ANTXR1: variants seen among roughly 807,000 people sequenced by gnomAD.
ANTXR1 encodes the protein ANTXR cell adhesion molecule 1, also known as anthrax toxin receptor 1.
ANTXR1 carries 19 observed loss-of-function variants against 78.1 expected under a neutral mutation model. The ratio of observed to expected loss-of-function variants is 0.24; its 90% CI spans 0.17 to 0.36. ANTXR1 has a LOEUF of 0.36. Among genes scored for constraint, ANTXR1 ranks in the 10% least tolerant of loss-of-function variants. The pLI, the probability that ANTXR1 is intolerant of heterozygous loss-of-function variation, is 1.00. For missense variants in ANTXR1, 518 were observed against 718.6 expected (o/e 0.72, Z 3.19); for synonymous variants, 273 against 260.5 (o/e 1.05, Z -0.46).
At chr2:69,115,453 T>A (rs1672111663) in intron 10 of ANTXR1, among the ~76,000 whole-genome samples, 1 of 152,220 alleles carries the variant, frequency 6.6e-6, no homozygotes, top group Non-Finnish European at 1.5e-5. Context: ...AAGCATTAAA[T>A]GATATCTTCT....
intron 10 of ANTXR1, among the ~76,000 whole-genome samples, chr2:69,104,601 C>T (rs994696303): frequency 6.6e-6 from 1 of 152,098 alleles, no homozygotes; most frequent in Non-Finnish European, 1.5e-5. Context: ...TTCTCTTTAA[C>T]CAAAATCCCA....
intron 8 of ANTXR1, among the ~76,000 whole-genome samples, chr2:69,089,488 C>T (rs560487382): frequency 4.6e-5 from 7 of 152,306 alleles, no homozygotes; most frequent in African/African-American, 1.7e-4. Flanking sequence ...GGAACTAAGT[C>T]CACTCTAGCA....
intron 13 of ANTXR1, among the ~76,000 whole-genome samples, chr2:69,157,165 A>G (rs1394731216): frequency 1.3e-5 from 2 of 152,082 alleles, no homozygotes; most frequent in Non-Finnish European, 2.9e-5. Context: ...AGCAGTAGGC[A>G]CTGTCGACCT....
At chr2:69,096,864 A>T (rs561454357) in intron 9 of ANTXR1, among the ~76,000 whole-genome samples, 1 of 152,076 alleles carries the variant, frequency 6.6e-6, no homozygotes, top group South Asian at 2.1e-4. Flanking sequence ...ACCACTCTCC[A>T]TTGTCACCCC....
chr2:69,075,554 C>A (rs752008823), intron 6 of ANTXR1, 36 bp from the exon 7 acceptor site: 2 of 1,606,430 alleles, frequency 1.2e-6, no homozygotes, highest in African/African-American at 2.7e-5. Flanking sequence ...TTTGTCACTG[C>A]TTCTCTTTCT....
chr2:69,047,862 C>T (rs1669818354), intron 3 of ANTXR1, among the ~76,000 whole-genome samples: 1 of 152,056 alleles, frequency 6.6e-6, no homozygotes, highest in Admixed American at 6.6e-5. Context: ...GGTAACCTGC[C>T]GAGGTCAGAT....
intron 5 of ANTXR1, 133 bp downstream of exon 5, chr2:69,071,920 C>T (rs1670579654): frequency 1.2e-6 from 1 of 855,782 alleles, no homozygotes; most frequent in South Asian, 1.6e-5. Flanking sequence ...ACACACATTT[C>T]ATCACAAACA....
chr2:69,196,611 G>C (rs911367808), intron 17 of ANTXR1, among the ~76,000 whole-genome samples: 33 of 152,178 alleles, frequency 2.2e-4, no homozygotes, highest in Non-Finnish European at 4.7e-4. Flanking sequence ...TGCCTTGCTT[G>C]CATGGTGGTG....
At chr2:69,071,613 T>C (rs547632014) in intron 4 of ANTXR1, 141 bp from the exon 5 acceptor site, 9 of 816,516 alleles carry the variant, frequency 1.1e-5, no homozygotes, top group Non-Finnish European at 1.9e-5. Flanking sequence ...CCACTGATAA[T>C]TGAGCAAAGC....
At position 69,172,148 on chromosome 2, in the gene ANTXR1, C is replaced by G. The variant is rs532078110; in HGVS notation, c.1089+1859C>G. On this transcript the variant is annotated intron_variant, in intron 14 of 17. Coordinates refer to ENST00000303714, the MANE Select transcript of ANTXR1 (RefSeq NM_032208.3). Reference sequence around the variant, plus strand: ...CATTCCCTTCCTGGAGTCTAGATCCCCTCCCCTCCATTTCCCTTTGAAACC... The same window carrying G: ...CATTCCCTTCCTGGAGTCTAGATCCGCTCCCCTCCATTTCCCTTTGAAACC... 2.0e-5 allele frequency among the ~76,000 whole-genome samples: 3 copies of G among 152,256 alleles called. No individual in the cohort carries two copies. In the South Asian group the frequency reaches 6.2e-4, roughly 32 times the overall value.
At chr2:69,237,911 A>T (rs1182735090) in intron 17 of ANTXR1, among the ~76,000 whole-genome samples, 1 of 152,214 alleles carries the variant, frequency 6.6e-6, no homozygotes, top group Admixed American at 6.5e-5. Flanking sequence ...CCAAAATATC[A>T]AAGTGAAAGG....
In ANTXR1 at chr2:69,051,738, A is replaced by G. The variant is rs969177452; in HGVS notation, c.296+6925A>G. 7.9e-5 allele frequency among the ~76,000 whole-genome samples: 12 copies of G among 152,078 alleles called. No individual in the cohort carries two copies. The East Asian group carries it at 2.1e-3, about 27-fold the overall frequency. Reference sequence around the variant, plus strand: ...AGATAGACATTTTGCATTTTCCACCATGACTGTTTTATTTTAATTTCCAAC... The same window carrying G: ...AGATAGACATTTTGCATTTTCCACCGTGACTGTTTTATTTTAATTTCCAAC... On this transcript the variant is annotated intron_variant, in intron 3 of 17. Transcript: ENST00000303714.
chr2:69,073,302 C>T lies in ANTXR1; in HGVS notation c.492+201C>T, dbSNP rs189998937. ...ATGTTTTACACATGGTAAATGTTTT[C>T]CCCTTTCAAAATTTTTACATATTAC... On this transcript the variant is annotated intron_variant, in intron 6 of 17. Coordinates refer to ENST00000303714, the MANE Select transcript of ANTXR1 (RefSeq NM_032208.3). 4.0e-3 allele frequency among the ~76,000 whole-genome samples: 608 copies of T among 152,266 alleles called. 5 individuals carry two copies. Among genetic ancestry groups the T allele is most frequent in the Middle Eastern group, 6.8e-3 (2 of 294 alleles).
intron 13 of ANTXR1, among the ~76,000 whole-genome samples, chr2:69,160,679 G>A (rs551110369): frequency 1.3e-5 from 2 of 152,302 alleles, no homozygotes; most frequent in South Asian, 4.1e-4. Context: ...TTTAGACAGT[G>A]AGTTTTAAAG....
chr2:69,064,660 A>C (rs561357331), intron 3 of ANTXR1, among the ~76,000 whole-genome samples: 1 of 152,376 alleles, frequency 6.6e-6, no homozygotes, highest in South Asian at 2.1e-4. Flanking sequence ...GAATGGAAAA[A>C]GATATACTGT....
At chr2:69,054,022 G>C (rs759136427) in intron 3 of ANTXR1, among the ~76,000 whole-genome samples, 1 of 152,016 alleles carries the variant, frequency 6.6e-6, no homozygotes, top group Non-Finnish European at 1.5e-5. Context: ...ATATATATGC[G>C]TATGTGTTTA....
intron 1 of ANTXR1, among the ~76,000 whole-genome samples, chr2:69,030,171 C>T (rs1292192645): frequency 6.6e-6 from 1 of 152,134 alleles, no homozygotes; most frequent in Non-Finnish European, 1.5e-5. Flanking sequence ...TTGCCTTTCC[C>T]TCACCAATAG....
intron 12 of ANTXR1, among the ~76,000 whole-genome samples, chr2:69,142,410 C>T (rs1673094263): frequency 6.6e-6 from 1 of 152,182 alleles, no homozygotes; most frequent in Non-Finnish European, 1.5e-5. Flanking sequence ...CTTCTAGGGG[C>T]TTCTAATTCA....
intron 17 of ANTXR1, among the ~76,000 whole-genome samples, chr2:69,226,973 C>G (rs1352936032): frequency 1.3e-5 from 2 of 152,138 alleles, no homozygotes; most frequent in Admixed American, 6.5e-5. Context: ...TTAGTGCAGG[C>G]TGGATTCGTG....
Sources: allele counts gnomAD v4.1 joint callset (sites outside exome capture counted in the v4.1 genomes callset), GRCh38; gene constraint gnomAD v4.1.1; transcripts MANE v1.5; gene names NCBI Gene and HGNC (gene_info 2026-07-23, HGNC 2026-07-21).